The following PCDHA1 variants were observed in gnomAD, a reference collection of about 807,000 sequenced individuals.
PCDHA1 encodes protocadherin alpha-1.
In PCDHA1, 42 loss-of-function variants were observed where a neutral mutation model predicts 61.3. That is an observed-to-expected ratio of 0.69 (90% confidence interval 0.54 to 0.89). The LOEUF is 0.89. Ranked by LOEUF, PCDHA1 falls within the 40% of genes least tolerant of loss-of-function variation. The probability of loss-of-function intolerance (pLI) is 0.00; values close to 1 mark genes in which losing one functional copy is unlikely to be tolerated. For synonymous variants in PCDHA1, 610 were observed against 553.8 expected, an observed-to-expected ratio of 1.10 and a Z score of -1.43; for missense variants, 1,256 against 1,235.3, an observed-to-expected ratio of 1.02 and a Z score of -0.25.
At chr5:140,858,515 C>A in intron 1 of PCDHA1, 1 of 1,416,092 alleles carries the variant, frequency 7.1e-7, no homozygotes, top group South Asian at 1.2e-5. Context: ...AAATATGTAT[C>A]AGAATATTTC....
chr5:140,928,043 C>A (rs1554205400), intron 1 of PCDHA1: 1 of 1,614,192 alleles, frequency 6.2e-7, no homozygotes, highest in Non-Finnish European at 8.5e-7. Context: ...AGTGCAGGCC[C>A]TTTTCAGCTG....
chr5:140,997,668 T>TTGTGTGTG lies in PCDHA1; in HGVS notation c.2543-11937_2543-11930dup, dbSNP rs35184029. 2.7e-3 allele frequency among the ~76,000 whole-genome samples: 400 copies of TTGTGTGTG among 148,342 alleles called. 5 individuals carry two copies. The East Asian group carries it at 0.038, about 14-fold the overall frequency. The stretch of plus-strand genomic sequence containing the variant: ...AATGCAATATGTATTATTATACAGC[T>TTGTGTGTG]TGTGTGTGTGTGTGTGTGTGTGTGT... On this transcript the variant is annotated intron_variant, in intron 3 of 3. Transcript: ENST00000504120.
intron 3 of PCDHA1, among the ~76,000 whole-genome samples, chr5:140,986,828 G>A (rs1001117075): frequency 3.9e-5 from 6 of 152,146 alleles, no homozygotes; most frequent in Non-Finnish European, 5.9e-5. Flanking sequence ...TTTAGACAAT[G>A]GTTCTCAAAG....
At chr5:140,860,049 G>C (rs2046155952) in intron 1 of PCDHA1, 1 of 151,206 alleles carries the variant, frequency 6.6e-6, no homozygotes, top group Non-Finnish European at 1.5e-5. Context: ...AGCATTTTGA[G>C]AGGCCAAGGT....
At chr5:140,818,584 C>A (rs1453771164) in intron 1 of PCDHA1, among the ~76,000 whole-genome samples, 1 of 152,164 alleles carries the variant, frequency 6.6e-6, no homozygotes, top group African/African-American at 2.4e-5. Context: ...TGCCTATAAT[C>A]CCAACACCTG....
intron 1 of PCDHA1, among the ~76,000 whole-genome samples, chr5:140,915,707 T>C (rs545075490): frequency 1.3e-4 from 19 of 151,930 alleles, no homozygotes; most frequent in Non-Finnish European, 2.6e-4. Flanking sequence ...AGCACTCCTG[T>C]GGCCCCCACT....
In PCDHA1 at chr5:141,011,088, T is replaced by TTCTC. The variant is rs375099849; in HGVS notation, c.*1165_*1168dup. 6.6e-6 allele frequency: 1 copy of TTCTC among 152,032 alleles called. No homozygotes were observed. Among genetic ancestry groups the TTCTC allele is most frequent in the Non-Finnish European group, 1.5e-5 (1 of 67,462 alleles). 9.4% of individuals were successfully genotyped at this position (152,032 alleles called of 1,614,324 possible). A position where few individuals can be genotyped will look rare whatever the true frequency, so the allele number is the denominator to read the frequency against. On this transcript the variant is annotated 3_prime_UTR_variant, in exon 4 of 4. Transcript: ENST00000504120. The stretch of plus-strand genomic sequence containing the variant: ...TATTACTAAATAAAATGATCTCTCT[T>TTCTC]TCTCTCTCTCTCTCTCTTTTCTAAG...
At chr5:140,893,984 AT>A (rs1305613741) in intron 1 of PCDHA1, among the ~76,000 whole-genome samples, 1 of 152,200 alleles carries the variant, frequency 6.6e-6, no homozygotes, top group South Asian at 2.1e-4. Context: ...TAATTTTAAA[AT>A]ATCTCCAATT....
In PCDHA1 at chr5:140,808,546, G is replaced by A. The variant is rs1581694212; in HGVS notation, c.2394+19862G>A. 4 of 1,614,120 alleles carry A rather than the reference G, an allele frequency of 2.5e-6. No homozygotes were observed. In the African/African-American group the frequency reaches 4.0e-5, roughly 16 times the overall value. ...TGGCTGATGTGAACGACAACGCTCC[G>A]GCGTTCGCGCAGCCCGAGTACACAG... On this transcript the variant is annotated intron_variant, in intron 1 of 3. Transcript: ENST00000504120.
intron 1 of PCDHA1, chr5:140,871,166 C>G: frequency 1.2e-6 from 2 of 1,613,486 alleles, no homozygotes; most frequent in Non-Finnish European, 1.7e-6. Flanking sequence ...GCCGCGAGCC[C>G]AGAGGCTGCG....
At chr5:140,829,846 G>C in intron 1 of PCDHA1, 1 of 1,613,940 alleles carries the variant, frequency 6.2e-7, no homozygotes. Flanking sequence ...CGCGGTCACT[G>C]GGTGCAGGCC....
chr5:140,828,352 T>C (rs1222673665), intron 1 of PCDHA1: 1 of 1,614,116 alleles, frequency 6.2e-7, no homozygotes, highest in African/African-American at 1.3e-5. Flanking sequence ...TGTTTGTGAA[T>C]TCTCGGATCG....
chr5:140,994,784 A>G (rs1245945274), intron 3 of PCDHA1, among the ~76,000 whole-genome samples: 2 of 152,202 alleles, frequency 1.3e-5, no homozygotes, highest in Non-Finnish European at 2.9e-5. Flanking sequence ...CAAAGGAAAC[A>G]ATGCGTGCAT....
intron 1 of PCDHA1, among the ~76,000 whole-genome samples, chr5:140,792,054 T>A (rs1761692065): frequency 6.6e-6 from 1 of 152,212 alleles, no homozygotes; most frequent in Non-Finnish European, 1.5e-5. Context: ...TCTGTAAGAA[T>A]AAATTTCTTC....
At chr5:140,905,251 A>G (rs1382207700) in intron 1 of PCDHA1, among the ~76,000 whole-genome samples, 4 of 152,174 alleles carry the variant, frequency 2.6e-5, no homozygotes, top group East Asian at 1.9e-4. Context: ...ATTCTTCCAC[A>G]TGAGGCTTGG....
intron 1 of PCDHA1, among the ~76,000 whole-genome samples, chr5:140,905,413 A>T (rs2071819141): frequency 6.6e-6 from 1 of 152,180 alleles, no homozygotes; most frequent in South Asian, 2.1e-4. Flanking sequence ...TTATACCAGT[A>T]CCATGCTGGT....
At chr5:140,932,338 CACTT>C (rs1448800324) in intron 1 of PCDHA1, among the ~76,000 whole-genome samples, 19 of 151,866 alleles carry the variant, frequency 1.3e-4, no homozygotes, top group Non-Finnish European at 2.2e-4. Flanking sequence ...ATGCATGAAA[CACTT>C]ACCATACAAC....
At chr5:140,890,223 G>C (rs1218987173) in intron 1 of PCDHA1, among the ~76,000 whole-genome samples, 3 of 152,108 alleles carry the variant, frequency 2.0e-5, no homozygotes, top group Non-Finnish European at 4.4e-5. Context: ...CAGAGACCTA[G>C]TTGTTAAGCA....
chr5:140,807,080 T>C (rs782597531), intron 1 of PCDHA1: 4 of 1,259,654 alleles, frequency 3.2e-6, no homozygotes, highest in Non-Finnish European at 4.5e-6. Flanking sequence ...ATACACTCTT[T>C]GGAGTCTGAA....
Sources: allele counts gnomAD v4.1 joint callset (sites outside exome capture counted in the v4.1 genomes callset), GRCh38; gene constraint gnomAD v4.1.1; transcripts MANE v1.5; gene names NCBI Gene and HGNC (gene_info 2026-07-23, HGNC 2026-07-21).